The following EPHX4 variants were observed in gnomAD, a reference collection of about 807,000 sequenced individuals.
The protein encoded by EPHX4 is epoxide hydrolase 4, also known as abhydrolase domain containing 7.
Under a neutral mutation model 44.9 loss-of-function variants are expected in EPHX4, and 31 were observed. The ratio of observed to expected loss-of-function variants is 0.69; its 90% CI spans 0.52 to 0.93. The LOEUF (loss-of-function observed/expected upper bound fraction) is 0.93. Among genes scored for constraint, EPHX4 ranks in the 40% least tolerant of loss-of-function variants. EPHX4 has a pLI of 0.00. For synonymous variants in EPHX4, 151 were observed against 159.7 expected (o/e 0.95, Z 0.41); for missense variants, 373 against 438.1 (o/e 0.85, Z 1.33).
rs190819166 is a variant in EPHX4 at position 92,050,257 on chromosome 1, T to A, written c.605-60T>A. 3.6e-5 allele frequency: 38 copies of A among 1,064,522 alleles called. No individual in the cohort carries two copies. In the Admixed American group the frequency reaches 8.3e-4, roughly 23 times the overall value. The allele number at this position is 1,064,522 out of a possible 1,614,324, so 65.9% of individuals were successfully genotyped here. A position where few individuals can be genotyped will look rare whatever the true frequency, so the allele number is the denominator to read the frequency against. On this transcript the variant is annotated intron_variant, in intron 4 of 6. Transcript: ENST00000370383. ...GTAAAATTGTCCTAAAAAGAAGTTCTTCTAACAGTAAGTAATTTATACCCC... is the reference window on the plus strand; with the variant it reads ...GTAAAATTGTCCTAAAAAGAAGTTCATCTAACAGTAAGTAATTTATACCCC...
intron 5 of EPHX4, 143 bp downstream of exon 5, chr1:92,050,563 G>T (rs2101872989): frequency 3.7e-6 from 2 of 537,278 alleles, no homozygotes; most frequent in East Asian, 3.4e-5. Flanking sequence ...CTATAGTCTT[G>T]CTTATTTTCA....
intron 6 of EPHX4, among the ~76,000 whole-genome samples, chr1:92,057,912 T>A (rs1241637789): frequency 6.6e-6 from 1 of 151,966 alleles, no homozygotes; most frequent in Non-Finnish European, 1.5e-5. Flanking sequence ...TACAGGTAAG[T>A]TTTACCACAT....
chr1:92,047,150 TTTG>T (rs1688594238), intron 4 of EPHX4, among the ~76,000 whole-genome samples: 2 of 152,240 alleles, frequency 1.3e-5, no homozygotes, highest in East Asian at 3.8e-4. Flanking sequence ...ATAGGCTCAC[TTTG>T]TTAACTTTCA....
In EPHX4 at chr1:92,030,483, T is replaced by TGTGTGTGTGTGA. The variant is rs745435867; in HGVS notation, c.231+176_231+177insTGTGTGTGAGTG. ...GTGTGTGTGTGTGTGTGTGTGTGTGTGTGAGAGAGAGAGAGAGAGAGAGAG... is the reference window on the plus strand; with the variant it reads ...GTGTGTGTGTGTGTGTGTGTGTGTGTGTGTGTGTGTGAGTGAGAGAGAGAGAGAGAGAGAGAG... On this transcript the variant is annotated intron_variant, in intron 1 of 6. Coordinates refer to ENST00000370383, the MANE Select transcript of EPHX4 (RefSeq NM_173567.5). 8.1e-3 allele frequency among the ~76,000 whole-genome samples: 1,128 copies of TGTGTGTGTGTGA among 138,584 alleles called. 36 individuals are homozygous for TGTGTGTGTGTGA. Among genetic ancestry groups the TGTGTGTGTGTGA allele is most frequent in the African/African-American group, 0.027 (1,014 of 36,904 alleles). 90.9% of individuals were successfully genotyped at this position (138,584 alleles called of 152,430 possible). A position where few individuals can be genotyped will look rare whatever the true frequency, so the allele number is the denominator to read the frequency against.
chr1:92,059,883 G>T (rs1647451229), intron 6 of EPHX4, among the ~76,000 whole-genome samples: 2 of 150,658 alleles, frequency 1.3e-5, no homozygotes. Context: ...TTGAGACAGG[G>T]TCTCACTTTG....
At chr1:92,052,258 G>T (rs562976371) in intron 5 of EPHX4, among the ~76,000 whole-genome samples, 6 of 152,286 alleles carry the variant, frequency 3.9e-5, no homozygotes, top group African/African-American at 1.4e-4. Flanking sequence ...TAGGCACCAA[G>T]AAGACAGGAT....
At chr1:92,030,485 T>TGTGTGTGTGTGAGA (rs1326928763) in intron 1 of EPHX4, among the ~76,000 whole-genome samples, 175 bp downstream of exon 1, 2 of 138,650 alleles carry the variant, frequency 1.4e-5, no homozygotes, top group African/African-American at 2.8e-5. Context: ...TGTGTGTGTG[T>TGTGTGTGTGTGAGA]GAGAGAGAGA....
At chr1:92,044,619 T>C (rs1047107923) in intron 3 of EPHX4, among the ~76,000 whole-genome samples, 35 of 152,314 alleles carry the variant, frequency 2.3e-4, no homozygotes, top group African/African-American at 8.4e-4. Flanking sequence ...GGTGCAAAAT[T>C]GGTGCTATAA....
chr1:92,035,670 G>A (rs1388280169), intron 2 of EPHX4, among the ~76,000 whole-genome samples: 1 of 152,076 alleles, frequency 6.6e-6, no homozygotes, highest in Non-Finnish European at 1.5e-5. Context: ...TTGTTACATG[G>A]TAAACGTGTG....
At chr1:92,060,264 A>G (rs1448115798) in intron 6 of EPHX4, among the ~76,000 whole-genome samples, 4 of 151,586 alleles carry the variant, frequency 2.6e-5, no homozygotes, top group Non-Finnish European at 4.4e-5. Context: ...TTTTTTTTTA[A>G]TTAGTCAGCT....
chr1:92,060,654 C>T (rs938511739), intron 6 of EPHX4, among the ~76,000 whole-genome samples: 1 of 151,564 alleles, frequency 6.6e-6, no homozygotes, highest in Non-Finnish European at 1.5e-5. Context: ...TGCGATGGCT[C>T]ACACCTGTAA....
At chr1:92,041,008 G>A (rs1688501170) in intron 2 of EPHX4, among the ~76,000 whole-genome samples, 1 of 151,682 alleles carries the variant, frequency 6.6e-6, no homozygotes. Flanking sequence ...CATATTTTGA[G>A]TCCCATAACA....
intron 6 of EPHX4, among the ~76,000 whole-genome samples, chr1:92,060,982 G>A (rs1029433167): frequency 4.6e-5 from 7 of 151,800 alleles, no homozygotes; most frequent in African/African-American, 1.5e-4. Context: ...CTGGGTTCAA[G>A]CGATTCTCCT....
chr1:92,061,447 A>G (rs1647492432), intron 6 of EPHX4, among the ~76,000 whole-genome samples: 1 of 152,172 alleles, frequency 6.6e-6, no homozygotes, highest in African/African-American at 2.4e-5. Flanking sequence ...TAGGAGTATA[A>G]TTAATACCAT....
intron 5 of EPHX4, among the ~76,000 whole-genome samples, chr1:92,050,742 G>T (rs928616068): frequency 3.3e-5 from 5 of 151,474 alleles, no homozygotes; most frequent in African/African-American, 1.2e-4. Context: ...AAAAAAAAAA[G>T]CCCTAAACAA....
At chr1:92,044,980 A>T (rs1172672801) in intron 3 of EPHX4, among the ~76,000 whole-genome samples, 4 of 151,962 alleles carry the variant, frequency 2.6e-5, no homozygotes, top group Middle Eastern at 3.2e-3. Context: ...TTTTAGAAAC[A>T]GAGTCTCGGT....
rs1452017684 is a variant in EPHX4 at position 92,030,195 on chromosome 1, T to G, written c.116T>G (p.Leu39Arg). Residue 39 changes from leucine (L) to arginine (R), a missense_variant, in exon 1 of 7, where the codon CTT becomes CGT. Transcript: ENST00000370383. Reference sequence around the variant, plus strand: ...TGCGCCTCCATCCACCTGCTCAAACTTTTGTGGAGCCTCGGCAAGGGGCCG... The same window carrying G: ...TGCGCCTCCATCCACCTGCTCAAACGTTTGTGGAGCCTCGGCAAGGGGCCG... ...GLCASIHLLK[L>R]LWSLGKGPAQ... 6.2e-7 allele frequency: 1 copy of G among 1,610,582 alleles called. No individual in the cohort carries two copies. The highest frequency in any genetic ancestry group is 8.5e-7 in the Non-Finnish European group (1 of 1,178,554).
At chr1:92,046,758 T>G (rs900571309) in intron 4 of EPHX4, among the ~76,000 whole-genome samples, 3 of 152,144 alleles carry the variant, frequency 2.0e-5, no homozygotes, top group Non-Finnish European at 2.9e-5. Flanking sequence ...CACCGCGCCC[T>G]GCCAATGGTT....
At chr1:92,034,041 G>T (rs1239654076) in intron 2 of EPHX4, among the ~76,000 whole-genome samples, 2 of 141,558 alleles carry the variant, frequency 1.4e-5, no homozygotes, top group Admixed American at 1.4e-4. Context: ...TAAAAGAGGT[G>T]GTACATATCA....
Sources: allele counts gnomAD v4.1 joint callset (sites outside exome capture counted in the v4.1 genomes callset), GRCh38; gene constraint gnomAD v4.1.1; transcripts MANE v1.5; gene names NCBI Gene and HGNC (gene_info 2026-07-23, HGNC 2026-07-21).